COLEC12: variants seen among roughly 807,000 people sequenced by gnomAD.
COLEC12 encodes collectin-12.
A neutral mutation model predicts 71.1 loss-of-function variants in COLEC12; 33 were observed. The ratio of observed to expected loss-of-function variants is 0.46; its 90% confidence interval spans 0.35 to 0.62. The LOEUF is 0.62. Ranked by LOEUF, COLEC12 falls within the 20% of genes least tolerant of loss-of-function variation. The pLI, the probability that COLEC12 is intolerant of heterozygous loss-of-function variation, is 0.00. For missense variants in COLEC12, 765 were observed against 916.1 expected, an observed-to-expected ratio of 0.84 and a Z score of 2.13; for synonymous variants, 350 against 353.0, an observed-to-expected ratio of 0.99 and a Z score of 0.10.
chr18:454,894 T>G (rs892842484), intron 2 of COLEC12, among the ~76,000 whole-genome samples: 1 of 152,226 alleles, frequency 6.6e-6, no homozygotes, highest in East Asian at 1.9e-4. Flanking sequence ...ACTCAATAAA[T>G]AGCTGAACAA....
chr18:401,128 G>C (rs60088481), intron 2 of COLEC12, among the ~76,000 whole-genome samples: 8,962 of 152,190 alleles, frequency 0.059, 346 homozygotes, highest in East Asian at 0.15. Flanking sequence ...GTGGAAGGTA[G>C]ACTTTGTCTT....
chr18:343,377 G>A (rs1331849925), intron 5 of COLEC12, among the ~76,000 whole-genome samples: 2 of 152,046 alleles, frequency 1.3e-5, no homozygotes. Context: ...GGCAAGGAAA[G>A]GGATGCCCTT....
At chr18:413,387 A>C (rs550073141) in intron 2 of COLEC12, among the ~76,000 whole-genome samples, 2 of 152,248 alleles carry the variant, frequency 1.3e-5, no homozygotes, top group Non-Finnish European at 2.9e-5. Context: ...GATCACTCAT[A>C]TGCTGCTGGT....
In COLEC12 at chr18:490,272, C is replaced by T. The variant is rs577983001; in HGVS notation, c.8-9515G>A. 4.6e-5 allele frequency among the ~76,000 whole-genome samples: 7 copies of T among 152,316 alleles called. No homozygotes were observed. The East Asian group carries it at 1.3e-3, about 29-fold the overall frequency. On this transcript the variant is annotated intron_variant, in intron 1 of 9. Transcript: ENST00000400256. ...GCCATTCCGGCCACCCCCAGTAATT[C>T]TCCAGGCTCCTGAGGGCAGCCACGT...
intron 3 of COLEC12, among the ~76,000 whole-genome samples, chr18:348,630 A>G (rs1346624539): frequency 2.6e-5 from 4 of 152,198 alleles, no homozygotes; most frequent in Non-Finnish European, 5.9e-5. Context: ...ACCCAGCTCA[A>G]TTCTATACAC....
chr18:383,509 G>A (rs1331607349), intron 2 of COLEC12, among the ~76,000 whole-genome samples: 1 of 152,184 alleles, frequency 6.6e-6, no homozygotes, highest in East Asian at 1.9e-4. Context: ...TACCCTAGCT[G>A]TGGAACTTAA....
At chr18:468,222 A>C (rs1423402584) in intron 2 of COLEC12, among the ~76,000 whole-genome samples, 4 of 146,974 alleles carry the variant, frequency 2.7e-5, no homozygotes, top group African/African-American at 1.0e-4. Flanking sequence ...AGATCGCACC[A>C]TTGCACTCCA....
At chr18:356,211 A>G (rs1041055671) in intron 3 of COLEC12, among the ~76,000 whole-genome samples, 1 of 152,160 alleles carries the variant, frequency 6.6e-6, no homozygotes, top group African/African-American at 2.4e-5. Flanking sequence ...AGATTCTTCA[A>G]TTACATCATC....
At chr18:492,642 A>G (rs1917638388) in intron 1 of COLEC12, among the ~76,000 whole-genome samples, 1 of 152,188 alleles carries the variant, frequency 6.6e-6, no homozygotes, top group South Asian at 2.1e-4. Context: ...CAGGGCCTCA[A>G]ATACATGGGT....
intron 2 of COLEC12, among the ~76,000 whole-genome samples, chr18:388,326 C>T (rs573898159): frequency 1.3e-5 from 2 of 152,230 alleles, no homozygotes; most frequent in South Asian, 4.1e-4. Flanking sequence ...AAATAGAGGC[C>T]TAGATTGATG....
chr18:397,142 G>T (rs942232908), intron 2 of COLEC12, among the ~76,000 whole-genome samples: 2 of 152,128 alleles, frequency 1.3e-5, no homozygotes, highest in Non-Finnish European at 2.9e-5. Flanking sequence ...CTTCTGATTT[G>T]TACAGTATGT....
intron 2 of COLEC12, among the ~76,000 whole-genome samples, chr18:401,808 T>C (rs1915692402): frequency 6.6e-6 from 1 of 152,174 alleles, no homozygotes; most frequent in Non-Finnish European, 1.5e-5. Flanking sequence ...CTTCAAGCCC[T>C]CTCTCTTCAG....
chr18:397,518 C>T (rs910576481), intron 2 of COLEC12, among the ~76,000 whole-genome samples: 24 of 152,108 alleles, frequency 1.6e-4, no homozygotes, highest in Non-Finnish European at 3.1e-4. Flanking sequence ...TTTGTTTTGG[C>T]CAGCTGCTTG....
intron 2 of COLEC12, among the ~76,000 whole-genome samples, chr18:411,931 A>T (rs1415618795): frequency 6.6e-6 from 1 of 152,254 alleles, no homozygotes; most frequent in Non-Finnish European, 1.5e-5. Context: ...GAGCGAATAT[A>T]GATTGAAAAG....
At chr18:476,854 T>A (rs1003411619) in intron 2 of COLEC12, among the ~76,000 whole-genome samples, 3 of 152,222 alleles carry the variant, frequency 2.0e-5, no homozygotes, top group Non-Finnish European at 4.4e-5. Context: ...TATAGTTACG[T>A]CCCAATTAGC....
Position 442,116 on chromosome 18 carries a change from G to A in COLEC12, c.58+38591C>T, listed in dbSNP as rs541306229. On this transcript the variant is annotated intron_variant, in intron 2 of 9. Transcript: ENST00000400256. ...GGGTGGGATTCCTGAGCCTGTATCC[G>A]ATGTTGTATTCCTTAATGCTGGGGA... 4.2e-5 allele frequency among the ~76,000 whole-genome samples: 6 copies of A among 143,770 alleles called. No individual in the cohort carries two copies. The East Asian group carries it at 5.8e-4, about 14-fold the overall frequency. 94.3% of individuals were successfully genotyped at this position (143,770 alleles called of 152,430 possible).
intron 2 of COLEC12, among the ~76,000 whole-genome samples, chr18:470,708 T>C (rs1917179447): frequency 6.6e-6 from 1 of 152,152 alleles, no homozygotes; most frequent in Non-Finnish European, 1.5e-5. Context: ...TGAGCTATGA[T>C]CATGCCACTG....
rs116845969 is a variant in COLEC12, at chr18:394,687, C to A, written c.59-37165G>T. On this transcript the variant is annotated intron_variant, in intron 2 of 9. Coordinates refer to ENST00000400256, the MANE Select transcript of COLEC12 (RefSeq NM_130386.3). The stretch of plus-strand genomic sequence containing the variant: ...ACGGGAGGACCACTGAGTCCAATAT[C>A]TTCACTTTATAAAAGAAGAAGCTGA... Among the ~76,000 whole-genome samples the A allele has an allele frequency of 1.8e-4, 27 of 152,310 alleles. No homozygotes were observed. The East Asian group carries it at 2.5e-3, about 14-fold the overall frequency.
At chr18:482,707 G>A (rs1006788804) in intron 1 of COLEC12, among the ~76,000 whole-genome samples, 5 of 151,938 alleles carry the variant, frequency 3.3e-5, no homozygotes, top group African/African-American at 9.7e-5. Flanking sequence ...CGCCTCCTGG[G>A]TTCAAGCGAT....
Sources: allele counts gnomAD v4.1 joint callset (sites outside exome capture counted in the v4.1 genomes callset), GRCh38; gene constraint gnomAD v4.1.1; transcripts MANE v1.5; gene names NCBI Gene and HGNC (gene_info 2026-07-23, HGNC 2026-07-21).